Variants in MYO1H observed in about 807,000 individuals in gnomAD.
MYO1H encodes myosin IH.
A neutral mutation model predicts 149.3 loss-of-function variants in MYO1H; 118 were observed. The observed-to-expected ratio is 0.79, with a 90% CI of 0.68 to 0.92. MYO1H has a LOEUF of 0.92. Ranked by LOEUF, MYO1H falls within the 40% of genes least tolerant of loss-of-function variation. The pLI, the probability that MYO1H is intolerant of heterozygous loss-of-function variation, is 0.00. For synonymous variants in MYO1H, 447 were observed against 465.2 expected (o/e 0.96, Z 0.50); for missense variants, 1,212 against 1,280.7 (o/e 0.95, Z 0.82).
intron 20 of MYO1H, among the ~76,000 whole-genome samples, chr12:109,434,074 A>G (rs1448904417): frequency 1.3e-5 from 2 of 152,020 alleles, no homozygotes; most frequent in East Asian, 3.9e-4. Context: ...CAGTGGCATG[A>G]TCTCGGCTCA....
chr12:109,405,983 A>G, exon 8 of MYO1H: 3 of 1,613,922 alleles, frequency 1.9e-6, no homozygotes, highest in Non-Finnish European at 2.5e-6. Context: ...GAAGAAGACG[A>G]CCAAGGCTGT....
the MYO1H span, among the ~76,000 whole-genome samples, chr12:109,341,046 T>C: frequency 6.6e-6 from 1 of 151,748 alleles, no homozygotes; most frequent in Non-Finnish European, 1.5e-5. Context: ...AAATTAGCCA[T>C]ATGTGGTGGC....
chr12:109,365,475 C>G (rs1196713722), intron 1 of MYO1H, among the ~76,000 whole-genome samples: 3 of 152,154 alleles, frequency 2.0e-5, no homozygotes, highest in African/African-American at 7.2e-5. Context: ...TTCTCAGTCT[C>G]TTTCTTCTGG....
chr12:109,318,108 G>A, the MYO1H span, among the ~76,000 whole-genome samples: 20 of 152,272 alleles, frequency 1.3e-4, no homozygotes, highest in Admixed American at 9.8e-4. Context: ...AAAAAGCAAG[G>A]AGTGGTCAAA....
chr12:109,364,485 A>G (rs1483580632), intron 1 of MYO1H, among the ~76,000 whole-genome samples: 6 of 152,072 alleles, frequency 3.9e-5, no homozygotes, highest in Non-Finnish European at 8.8e-5. Flanking sequence ...CCACTATGCC[A>G]GGCTAATTTT....
intron 1 of MYO1H, among the ~76,000 whole-genome samples, chr12:109,349,543 C>T (rs1470494118): frequency 6.8e-6 from 1 of 146,900 alleles, no homozygotes; most frequent in East Asian, 2.1e-4. Context: ...TGCCTGTGGT[C>T]CCAGCTACTC....
intron 8 of MYO1H, 75 bp downstream of exon 8, chr12:109,406,110 C>T: frequency 1.0e-6 from 1 of 953,258 alleles, no homozygotes; most frequent in Non-Finnish European, 1.6e-6. Flanking sequence ...TGGGTGCCCA[C>T]AGTTAGGCCC....
chr12:109,410,676 T>G lies in MYO1H; in HGVS notation c.1330-12T>G, dbSNP rs368001299. 1.3e-6 allele frequency: 2 copies of G among 1,578,504 alleles called. No individual in the cohort carries two copies. Among genetic ancestry groups the G allele is most frequent in the South Asian group, 1.1e-5 (1 of 87,526 alleles). ...TATTTCTTGGAGAATTCATTCCTCT[T>G]TGTCATTTTAGTGGGAGCCAATTAA... is the stretch of plus-strand genomic sequence containing the variant. On this transcript the variant is annotated splice_polypyrimidine_tract_variant and intron_variant, in intron 12 of 31. Coordinates refer to ENST00000310903, the Ensembl canonical transcript of MYO1H.
At chr12:109,390,666 G>GTT (rs139927979) in intron 2 of MYO1H, among the ~76,000 whole-genome samples, 2 of 147,174 alleles carry the variant, frequency 1.4e-5, no homozygotes, top group African/African-American at 2.5e-5. Context: ...TTGTTTGTTT[G>GTT]TTTTTTTTTT....
At chr12:109,375,454 G>T (rs1451440178) in intron 1 of MYO1H, among the ~76,000 whole-genome samples, 1 of 152,066 alleles carries the variant, frequency 6.6e-6, no homozygotes, top group African/African-American at 2.4e-5. Context: ...CACCCGGCCA[G>T]CCATTCAATT....
At chr12:109,370,094 G>A (rs1868950703) in intron 1 of MYO1H, among the ~76,000 whole-genome samples, 3 of 152,154 alleles carry the variant, frequency 2.0e-5, no homozygotes, top group African/African-American at 7.2e-5. Context: ...TCCCTCCCAT[G>A]ACACATGGGA....
intron 1 of MYO1H, among the ~76,000 whole-genome samples, chr12:109,384,054 G>A (rs2010418): frequency 0.058 from 8,897 of 152,284 alleles, 851 homozygotes; most frequent in African/African-American, 0.2. Context: ...CGACAGGACT[G>A]GGTATGTAAT....
In MYO1H at chr12:109,438,086, T is replaced by TAAAAA. The variant is rs58487735; in HGVS notation, c.2210-433_2210-429dup. ...TTGGGCGACAGAGCAAGGCTCTGTC[T>TAAAAA]AAAAAAAAAAAAAAAAAAAAATTGG... On this transcript the variant is annotated intron_variant, in intron 22 of 31. Transcript: ENST00000310903. Among the ~76,000 whole-genome samples the TAAAAA allele has an allele frequency of 4.3e-4, 42 of 96,902 alleles. 4 individuals are homozygous for TAAAAA. The highest frequency in any genetic ancestry group is 5.1e-4 in the Non-Finnish European group (26 of 51,230). The allele number at this position is 96,902 out of a possible 152,430, so 63.6% of individuals were successfully genotyped here. A position where few individuals can be genotyped will look rare whatever the true frequency, so the allele number is the denominator to read the frequency against.
At chr12:109,318,983 T>TTTTTG in the MYO1H span, among the ~76,000 whole-genome samples, 540 of 144,902 alleles carry the variant, frequency 3.7e-3, 17 homozygotes, top group Non-Finnish European at 6.6e-3. Flanking sequence ...TTTTTTTTTT[T>TTTTTG]TTTTTTTTTT....
intron 27 of MYO1H, among the ~76,000 whole-genome samples, chr12:109,443,068 GTA>G (rs1446529602): frequency 1.7e-5 from 1 of 60,120 alleles, no homozygotes; most frequent in African/African-American, 9.0e-5. Context: ...ACGTATGTGT[GTA>G]TATATGTGTA....
intron 14 of MYO1H, 42 bp downstream of exon 14, chr12:109,412,027 A>G: frequency 7.5e-7 from 1 of 1,332,162 alleles, no homozygotes; most frequent in African/African-American, 1.5e-5. Flanking sequence ...GGGGAAGATG[A>G]TTGTGTCTCC....
chr12:109,394,038 G>A (rs1869790445), intron 3 of MYO1H, among the ~76,000 whole-genome samples: 1 of 152,164 alleles, frequency 6.6e-6, no homozygotes, highest in Admixed American at 6.5e-5. Flanking sequence ...TCTCCCCTAT[G>A]TATAACCTAT....
the MYO1H span, among the ~76,000 whole-genome samples, chr12:109,319,321 G>T: frequency 6.6e-6 from 1 of 152,038 alleles, no homozygotes; most frequent in African/African-American, 2.4e-5. Context: ...AAATAAGCTA[G>T]TCACAAAAAA....
intron 18 of MYO1H, among the ~76,000 whole-genome samples, chr12:109,426,919 A>G (rs1048973768): frequency 6.6e-6 from 1 of 152,192 alleles, no homozygotes; most frequent in Non-Finnish European, 1.5e-5. Flanking sequence ...CTCTCCTGCC[A>G]GCTGTTGCCA....
Sources: allele counts gnomAD v4.1 joint callset (sites outside exome capture counted in the v4.1 genomes callset), GRCh38; gene constraint gnomAD v4.1.1; transcripts MANE v1.5; gene names NCBI Gene and HGNC (gene_info 2026-07-23, HGNC 2026-07-21).